ZNF518A: variants seen among roughly 807,000 people sequenced by gnomAD.
The protein encoded by ZNF518A is zinc finger protein 518.
In ZNF518A, 47 loss-of-function variants were observed where a neutral mutation model predicts 102.7. That is an observed-to-expected ratio of 0.46 (90% confidence interval 0.36 to 0.58). ZNF518A has a LOEUF of 0.58. ZNF518A is among the 20% of genes least tolerant of loss of function. The pLI, the probability that ZNF518A is intolerant of heterozygous loss-of-function variation, is 0.00. For missense variants in ZNF518A, 1,793 were observed against 1,699.8 expected (o/e 1.05, Z -0.96); for synonymous variants, 652 against 594.6 (o/e 1.10, Z -1.40).
chr10:96,148,826 C>T (rs1304310092), intron 3 of ZNF518A, among the ~76,000 whole-genome samples: 1 of 152,248 alleles, frequency 6.6e-6, no homozygotes, highest in Non-Finnish European at 1.5e-5. Context: ...CACCATTCTC[C>T]TGCCTCAGCC....
At chr10:96,134,621 G>A (rs1554873739) in intron 3 of ZNF518A, among the ~76,000 whole-genome samples, 1 of 152,226 alleles carries the variant, frequency 6.6e-6, no homozygotes, top group Non-Finnish European at 1.5e-5. Flanking sequence ...AAGAATGAAA[G>A]CTGTAGTTGT....
intron 1 of ZNF518A, among the ~76,000 whole-genome samples, chr10:96,177,764 A>T (rs1195733518): frequency 6.6e-6 from 1 of 152,156 alleles, no homozygotes; most frequent in East Asian, 1.9e-4. Flanking sequence ...AATATAGAAA[A>T]CAGAGATGGC....
intron 3 of ZNF518A, among the ~76,000 whole-genome samples, chr10:96,139,637 A>G (rs1275304084): frequency 6.6e-6 from 1 of 152,198 alleles, no homozygotes; most frequent in African/African-American, 2.4e-5. Context: ...GAAACCACCA[A>G]GGAGCTTTAA....
chr10:96,137,753 C>A (rs879952749), intron 3 of ZNF518A, among the ~76,000 whole-genome samples: 10 of 152,176 alleles, frequency 6.6e-5, no homozygotes, highest in Non-Finnish European at 1.5e-4. Flanking sequence ...GTGATTTCAT[C>A]CTGCTCCAAG....
Position 96,156,294 on chromosome 10 carries a change from A to C in ZNF518A, c.-29A>C. ...GATAACTTCAAGAGTTTTCAGAAAA[A>C]AAGAAATTGGGACTTTTTTGGTTAA... is the stretch of plus-strand genomic sequence containing the variant. On this transcript the variant is annotated 5_prime_UTR_variant, in exon 6 of 6. Transcript: ENST00000316045. 6.5e-7 allele frequency: 1 copy of C among 1,532,220 alleles called. No individual in the cohort carries two copies. Among genetic ancestry groups the C allele is most frequent in the East Asian group, 2.3e-5 (1 of 44,174 alleles). 94.9% of individuals were successfully genotyped at this position (1,532,220 alleles called of 1,614,324 possible).
At chr10:96,195,742 ATATACT>A (rs2083449194) in intron 1 of ZNF518A, among the ~76,000 whole-genome samples, 2 of 152,224 alleles carry the variant, frequency 1.3e-5, no homozygotes, top group African/African-American at 4.8e-5. Context: ...AACAATGTAA[ATATACT>A]TATTACTGAG....
intron 1 of ZNF518A, among the ~76,000 whole-genome samples, chr10:96,171,735 T>C (rs991237649): frequency 3.9e-5 from 6 of 152,136 alleles, no homozygotes; most frequent in Non-Finnish European, 7.4e-5. Flanking sequence ...ATATGTGTAA[T>C]GAAAAATTTT....
At chr10:96,154,278 T>G (rs1230843112) in intron 3 of ZNF518A, among the ~76,000 whole-genome samples, 4 of 152,140 alleles carry the variant, frequency 2.6e-5, no homozygotes, top group Non-Finnish European at 5.9e-5. Flanking sequence ...AAGCCTGCAG[T>G]GAGCCGTGAT....
chr10:96,140,836 G>A (rs2081885013), intron 3 of ZNF518A, among the ~76,000 whole-genome samples: 1 of 152,020 alleles, frequency 6.6e-6, no homozygotes, highest in South Asian at 2.1e-4. Context: ...AGCTACTTGG[G>A]AAATTGAGGT....
chr10:96,183,767 G>A (rs1233698043), intron 1 of ZNF518A, among the ~76,000 whole-genome samples: 7 of 152,174 alleles, frequency 4.6e-5, no homozygotes, highest in Non-Finnish European at 8.8e-5. Context: ...GTGCAATGTG[G>A]TGATGAGAAT....
chr10:96,190,308 C>T lies in ZNF518A; in HGVS notation n.36-13266C>T, dbSNP rs117745343. The T allele has an allele frequency of 3.5e-4, 218 of 621,506 alleles. No individual in the cohort carries two copies. The East Asian group carries it at 5.8e-3, about 16-fold the overall frequency. The allele number at this position is 621,506 out of a possible 1,614,324, so 38.5% of individuals were successfully genotyped here. On this transcript the variant is annotated intron_variant and non_coding_transcript_variant, in intron 1 of 2. Coordinates refer to the ZNF518A transcript ENST00000442635. ...AGAACAGCCATACAGGATGGAATCA[C>T]GCCAGTAGTATTGTTCCTGTGTGTC...
At chr10:96,204,710 T>A (rs2083749972), downstream of ZNF518A, 1 of 1,102,016 alleles carries the variant, frequency 9.1e-7, no homozygotes, top group African/African-American at 1.5e-5. Flanking sequence ...CCAAATTTGA[T>A]CAGAAGTCTT....
intron 1 of ZNF518A, among the ~76,000 whole-genome samples, chr10:96,172,739 A>G (rs2083180872): frequency 6.6e-6 from 1 of 152,112 alleles, no homozygotes; most frequent in African/African-American, 2.4e-5. Context: ...GCCAAAGAAA[A>G]CAGTAAAGGA....
chr10:96,139,790 G>A (rs1479615299), intron 3 of ZNF518A, among the ~76,000 whole-genome samples: 1 of 152,150 alleles, frequency 6.6e-6, no homozygotes, highest in African/African-American at 2.4e-5. Flanking sequence ...AAATGATGGT[G>A]GCCTGGACTA....
intron 3 of ZNF518A, among the ~76,000 whole-genome samples, chr10:96,145,044 C>T (rs1477071697): frequency 5.4e-5 from 5 of 92,152 alleles, no homozygotes; most frequent in Admixed American, 1.1e-4. Flanking sequence ...CATTTGTTTT[C>T]GTATAAAATA....
intron 1 of ZNF518A, chr10:96,196,854 G>A (rs587693697): frequency 1.7e-4 from 267 of 1,545,292 alleles, no homozygotes; most frequent in Admixed American, 3.7e-4. Context: ...AGTATTTGAT[G>A]TCATTATACT....
At chr10:96,180,895 T>C (rs1319982288) in intron 1 of ZNF518A, among the ~76,000 whole-genome samples, 1 of 152,242 alleles carries the variant, frequency 6.6e-6, no homozygotes, top group African/African-American at 2.4e-5. Context: ...GTATTTCTAG[T>C]TCTAGATCCT....
At chr10:96,201,661 T>A (rs2083639651) in intron 1 of ZNF518A, among the ~76,000 whole-genome samples, 1 of 152,218 alleles carries the variant, frequency 6.6e-6, no homozygotes, top group Non-Finnish European at 1.5e-5. Context: ...TGAGAATTGC[T>A]GACTTCAGGC....
chr10:96,169,693 A>G (rs1193425321), intron 1 of ZNF518A, among the ~76,000 whole-genome samples: 4 of 152,146 alleles, frequency 2.6e-5, no homozygotes, highest in African/African-American at 9.7e-5. Flanking sequence ...TTTTTTCTCT[A>G]TGTATGGGTC....
Sources: gnomAD v4.1 joint callset for allele counts (sites outside exome capture counted in the v4.1 genomes callset) on GRCh38, gnomAD v4.1.1 for gene constraint, MANE v1.5 for transcripts, NCBI Gene and HGNC (gene_info 2026-07-23, HGNC 2026-07-21) for gene names.